SCMH1: variants seen among roughly 807,000 people sequenced by gnomAD.
The protein encoded by SCMH1 is polycomb protein SCMH1.
A neutral mutation model predicts 70.8 loss-of-function variants in SCMH1; 37 were observed. The observed-to-expected ratio is 0.52, with a 90% CI of 0.40 to 0.69. The LOEUF is 0.69. Among genes scored for constraint, SCMH1 ranks in the 30% least tolerant of loss-of-function variants. The probability of loss-of-function intolerance (pLI) is 0.00; values close to 1 mark genes in which losing one functional copy is unlikely to be tolerated. For synonymous variants in SCMH1, 292 were observed against 307.4 expected (o/e 0.95, Z 0.52); for missense variants, 607 against 827.3 (o/e 0.73, Z 3.27).
At chr1:41,136,160 G>A (rs1027854859) in intron 6 of SCMH1, among the ~76,000 whole-genome samples, 4 of 151,784 alleles carry the variant, frequency 2.6e-5, no homozygotes, top group Admixed American at 6.6e-5. Flanking sequence ...TGCCCAGGCT[G>A]GTCTCAAACT....
chr1:41,100,556 C>CTTTT (rs745502381), intron 8 of SCMH1, among the ~76,000 whole-genome samples: 1 of 42,406 alleles, frequency 2.4e-5, no homozygotes, highest in African/African-American at 2.9e-4. Flanking sequence ...ATAGCCTTTT[C>CTTTT]TTTTCTTTTT....
chr1:41,222,058 A>G (rs1348251490), intron 1 of SCMH1, among the ~76,000 whole-genome samples: 1 of 152,062 alleles, frequency 6.6e-6, no homozygotes, highest in Non-Finnish European at 1.5e-5. Flanking sequence ...AGTCAAAGAG[A>G]TATACCTATA....
At chr1:41,072,189 T>C (rs111800010) in intron 9 of SCMH1, among the ~76,000 whole-genome samples, 24 of 152,230 alleles carry the variant, frequency 1.6e-4, no homozygotes, top group African/African-American at 5.3e-4. Context: ...AAAACACACA[T>C]TGAAAGTGAA....
At chr1:41,187,436 T>C (rs1439562989) in intron 1 of SCMH1, among the ~76,000 whole-genome samples, 3 of 140,944 alleles carry the variant, frequency 2.1e-5, no homozygotes, top group Non-Finnish European at 4.5e-5. Context: ...CACTCCAACC[T>C]AGGCGACAGA....
intron 8 of SCMH1, among the ~76,000 whole-genome samples, chr1:41,112,828 C>T (rs1030331036): frequency 3.9e-5 from 6 of 152,184 alleles, no homozygotes; most frequent in Non-Finnish European, 8.8e-5. Context: ...GGACCTCAAA[C>T]CCATGTCTAT....
exon 15 of SCMH1, chr1:41,028,050 A>C: frequency 1.1e-6 from 1 of 919,292 alleles, no homozygotes; most frequent in Non-Finnish European, 1.7e-6. Context: ...AGCTGTGGCT[A>C]GGAGTGGTGG....
chr1:41,107,176 A>G (rs574876164), intron 8 of SCMH1, among the ~76,000 whole-genome samples: 1 of 151,980 alleles, frequency 6.6e-6, no homozygotes, highest in Admixed American at 6.5e-5. Flanking sequence ...TTTACCCAAT[A>G]GCTATAGAGC....
chr1:41,104,173 T>G (rs1229011498), intron 8 of SCMH1, among the ~76,000 whole-genome samples: 2 of 152,160 alleles, frequency 1.3e-5, no homozygotes, highest in Non-Finnish European at 2.9e-5. Flanking sequence ...TTTTCTCATT[T>G]CAATCATTCA....
intron 4 of SCMH1, among the ~76,000 whole-genome samples, chr1:41,157,503 A>G (rs1426787097): frequency 1.3e-5 from 2 of 152,248 alleles, no homozygotes; most frequent in Non-Finnish European, 2.9e-5. Flanking sequence ...ACTATACCAC[A>G]GGGTCCCTCT....
At chr1:41,072,913 A>C (rs925549153) in intron 9 of SCMH1, among the ~76,000 whole-genome samples, 1 of 152,182 alleles carries the variant, frequency 6.6e-6, no homozygotes, top group African/African-American at 2.4e-5. Context: ...TCACAGGTGA[A>C]GTGGAAGGCA....
chr1:41,161,012 C>T lies in SCMH1; in HGVS notation c.83-114G>A. ...TCGAGTATTTGTCTAGTTCAGTTAT[C>T]TCATCCTAAAAGACACTGAGATTCT... On this transcript the variant is annotated intron_variant, in intron 3 of 14. Coordinates refer to ENST00000337495, the Ensembl canonical transcript of SCMH1. 12 of 1,113,862 alleles carry T rather than the reference C, an allele frequency of 1.1e-5. No individual in the cohort carries two copies. The South Asian group carries it at 1.7e-4, about 15-fold the overall frequency. 69.0% of individuals were successfully genotyped at this position (1,113,862 alleles called of 1,614,324 possible). A position where few individuals can be genotyped will look rare whatever the true frequency, so the allele number is the denominator to read the frequency against.
At chr1:41,222,784 A>T (rs1659555596) in intron 1 of SCMH1, among the ~76,000 whole-genome samples, 1 of 152,216 alleles carries the variant, frequency 6.6e-6, no homozygotes, top group Admixed American at 6.5e-5. Context: ...ACAGAAAGTG[A>T]GAATGGAAAC....
intron 1 of SCMH1, among the ~76,000 whole-genome samples, chr1:41,239,307 TTC>T (rs1663024480): frequency 6.6e-6 from 1 of 152,198 alleles, no homozygotes; most frequent in Admixed American, 6.5e-5. Flanking sequence ...TCAAGCTGTT[TTC>T]TCTGTTTGAA....
At chr1:41,089,878 A>G (rs1571999053) in intron 8 of SCMH1, among the ~76,000 whole-genome samples, 1 of 137,468 alleles carries the variant, frequency 7.3e-6, no homozygotes, top group South Asian at 2.3e-4. Flanking sequence ...TGCAACCTCT[A>G]CCTCCCAGGT....
At chr1:41,073,872 G>GGGAGGAATTAATGAGATTGGGAT (rs1351365409) in intron 9 of SCMH1, among the ~76,000 whole-genome samples, 6 of 152,064 alleles carry the variant, frequency 3.9e-5, no homozygotes, top group African/African-American at 1.4e-4. Flanking sequence ...ACTAACCCTA[G>GGGAGGAATTAATGAGATTGGGAT]GGAGGAATTA....
chr1:41,189,735 G>T (rs1651209557), intron 1 of SCMH1, among the ~76,000 whole-genome samples: 1 of 152,198 alleles, frequency 6.6e-6, no homozygotes, highest in African/African-American at 2.4e-5. Context: ...GCACAGAAAA[G>T]AACCCATGAG....
At chr1:41,209,018 A>C (rs1656320265) in intron 1 of SCMH1, among the ~76,000 whole-genome samples, 2 of 152,230 alleles carry the variant, frequency 1.3e-5, no homozygotes, top group Admixed American at 6.5e-5. Flanking sequence ...GAAGAATCAA[A>C]TAGATGCAAT....
At chr1:41,079,824 C>CTCT (rs1444179386) in intron 8 of SCMH1, among the ~76,000 whole-genome samples, 2 of 152,000 alleles carry the variant, frequency 1.3e-5, no homozygotes, top group Non-Finnish European at 2.9e-5. Flanking sequence ...ATTACAGGCT[C>CTCT]TATCTCTTAT....
At chr1:41,137,730 T>C (rs923263867) in intron 6 of SCMH1, among the ~76,000 whole-genome samples, 2 of 152,198 alleles carry the variant, frequency 1.3e-5, no homozygotes, top group Non-Finnish European at 2.9e-5. Context: ...GATTTCTCTG[T>C]CATTGAGAGA....
Sources: allele counts gnomAD v4.1 joint callset (sites outside exome capture counted in the v4.1 genomes callset), GRCh38; gene constraint gnomAD v4.1.1; transcripts MANE v1.5; gene names NCBI Gene and HGNC (gene_info 2026-07-23, HGNC 2026-07-21).